Variants in HEATR5A observed in about 807,000 individuals in gnomAD.
HEATR5A encodes HEAT repeat-containing protein 5A.
A neutral mutation model predicts 218.8 loss-of-function variants in HEATR5A; 178 were observed. The observed-to-expected ratio is 0.81, with a 90% confidence interval of 0.72 to 0.92. The LOEUF (loss-of-function observed/expected upper bound fraction) is 0.92, where lower values mean the gene tolerates loss of function less well. HEATR5A is among the 40% of genes least tolerant of loss of function. The pLI, the probability that HEATR5A is intolerant of heterozygous loss-of-function variation, is 0.00. For synonymous variants in HEATR5A, 864 were observed against 871.6 expected, an observed-to-expected ratio of 0.99 and a Z score of 0.15; for missense variants, 2,420 against 2,418.9, an observed-to-expected ratio of 1.00 and a Z score of -0.01.
chr14:31,314,629 G>C (rs1293189729), intron 27 of HEATR5A, among the ~76,000 whole-genome samples: 1 of 152,026 alleles, frequency 6.6e-6, no homozygotes, highest in Non-Finnish European at 1.5e-5. Context: ...TTGAACTCCT[G>C]GCCTCAAGTA....
At chr14:31,295,826 G>A in intron 34 of HEATR5A, 83 bp downstream of exon 34, 1 of 1,090,110 alleles carries the variant, frequency 9.2e-7, no homozygotes, top group Non-Finnish European at 1.4e-6. Context: ...CTTCCTATTG[G>A]AGCCAACAAA....
intron 8 of HEATR5A, 84 bp from the exon 9 acceptor site, chr14:31,386,659 G>A (rs963818629): frequency 2.1e-5 from 27 of 1,261,562 alleles, no homozygotes; most frequent in South Asian, 8.0e-5. Flanking sequence ...AAGGTATAAC[G>A]GCAAAAATTT....
intron 28 of HEATR5A, 53 bp downstream of exon 28, chr14:31,312,915 A>G: frequency 4.3e-6 from 6 of 1,407,160 alleles, no homozygotes; most frequent in Non-Finnish European, 3.9e-6. Context: ...AAAAAAGAAA[A>G]GAAAATGTGT....
chr14:31,394,716 G>A (rs557179756), intron 5 of HEATR5A, among the ~76,000 whole-genome samples: 1 of 152,236 alleles, frequency 6.6e-6, no homozygotes, highest in Admixed American at 6.5e-5. Flanking sequence ...TACTCAGGAG[G>A]CTGAGGCAGG....
rs115909580 is a variant in HEATR5A, at chr14:31,403,933, A to T, written c.-74-884T>A. ...AGACAGAATTTTTTATTTTTAGGAC[A>T]TGGATGCTTTACTGCAACTTACTTT... On this transcript the variant is annotated intron_variant, in intron 1 of 35. Transcript: ENST00000543095. 9.8e-3 allele frequency among the ~76,000 whole-genome samples: 1,499 copies of T among 152,344 alleles called. 19 individuals are homozygous for T. Among genetic ancestry groups the T allele is most frequent in the African/African-American group, 0.034 (1,423 of 41,566 alleles).
chr14:31,386,379 C>G lies in HEATR5A; in HGVS notation c.1345+41G>C, dbSNP rs1278977661. ...ATTTCCTTCCTTGGAACAAAGTTAT[C>G]TAGTGTACAAGGTATTCCAATGAGT... On this transcript the variant is annotated intron_variant, in intron 9 of 35. Coordinates refer to ENST00000543095, the MANE Select transcript of HEATR5A (RefSeq NM_015473.4). 2.6e-6 allele frequency: 4 copies of G among 1,517,288 alleles called. No individual in the cohort carries two copies. In the African/African-American group the frequency reaches 4.2e-5, roughly 16 times the overall value. 94.0% of individuals were successfully genotyped at this position (1,517,288 alleles called of 1,614,324 possible).
intron 13 of HEATR5A, among the ~76,000 whole-genome samples, chr14:31,367,102 T>C (rs1257698941): frequency 6.6e-6 from 1 of 152,180 alleles, no homozygotes; most frequent in African/African-American, 2.4e-5. Context: ...AAATGTTTCA[T>C]AGGACAAAAT....
intron 31 of HEATR5A, among the ~76,000 whole-genome samples, chr14:31,305,461 C>T (rs1595079576): frequency 6.6e-6 from 1 of 152,222 alleles, no homozygotes; most frequent in African/African-American, 2.4e-5. Flanking sequence ...TGAGGTTTCA[C>T]CATGTTGGTC....
rs756266730 is a variant in HEATR5A, at chr14:31,304,977, C to CTAAT, written c.5163_5166dup (p.Glu1723IlefsTer6). 5.6e-6 allele frequency: 9 copies of CTAAT among 1,614,008 alleles called. No individual in the cohort carries two copies. In the East Asian group the frequency reaches 2.0e-4, roughly 36 times the overall value. ...GCTGAAACCAATCTACTTCCATCTTCTAATAGTATCTGTGGCTTCGTAGCT... is the reference window on the plus strand; with the variant it reads ...GCTGAAACCAATCTACTTCCATCTTCTAATTAATAGTATCTGTGGCTTCGTAGCT... On this transcript the variant is annotated frameshift_variant, in exon 32 of 36. Coordinates refer to ENST00000543095, the MANE Select transcript of HEATR5A (RefSeq NM_015473.4). LOFTEE classifies it high-confidence loss of function.
At chr14:31,364,402 T>C (rs183962503) in intron 13 of HEATR5A, 104 bp from the exon 14 acceptor site, 366 of 589,754 alleles carry the variant, frequency 6.2e-4, no homozygotes, top group Non-Finnish European at 9.6e-4. Flanking sequence ...ATGTATTTTA[T>C]TAACAAACAT....
Position 31,386,516 on chromosome 14 carries a change from T to C in HEATR5A, c.1249A>G (p.Ser417Gly), listed in dbSNP as rs956679663. 4 of 1,610,740 alleles carry C rather than the reference T, an allele frequency of 2.5e-6. No homozygotes were observed. In the African/African-American group the frequency reaches 4.0e-5, roughly 16 times the overall value. Residue 417 changes from serine to glycine, a missense_variant, in exon 9 of 36, where the codon AGC becomes GGC. Transcript: ENST00000543095. ...AAAGCACAAACCAGCATATGTTGGC[T>C]AGCGGCTACATCTGTGGAACCAAGC... ...TRLGSTDVAA[S>G]QHMLVCALQE... is the part of the protein sequence containing the mutation.
intron 21 of HEATR5A, among the ~76,000 whole-genome samples, chr14:31,340,775 C>T (rs539845130): frequency 4.1e-4 from 61 of 149,896 alleles, no homozygotes; most frequent in Non-Finnish European, 6.8e-4. Context: ...CAGTATCAAA[C>T]CCAATCAAGT....
At chr14:31,350,196 G>A (rs1262837835) in intron 17 of HEATR5A, among the ~76,000 whole-genome samples, 2 of 151,924 alleles carry the variant, frequency 1.3e-5, no homozygotes, top group African/African-American at 2.4e-5. Context: ...GCAGCAATAC[G>A]GTAATCAATT....
intron 22 of HEATR5A, among the ~76,000 whole-genome samples, chr14:31,330,935 C>T (rs1226105155): frequency 7.4e-6 from 1 of 135,212 alleles, no homozygotes. Context: ...CTCTGCTTCC[C>T]TCACCTTTTT....
chr14:31,380,410 T>C (rs540696194), intron 11 of HEATR5A, 57 bp downstream of exon 11: 885 of 1,062,700 alleles, frequency 8.3e-4, no homozygotes, highest in Non-Finnish European at 1.1e-3. Context: ...ATAAGAATCA[T>C]TTCACTCAGA....
chr14:31,302,133 A>G (rs1899404120), intron 33 of HEATR5A, 162 bp downstream of exon 33: 1 of 604,110 alleles, frequency 1.7e-6, no homozygotes, highest in Admixed American at 3.0e-5. Context: ...CACCCGGCCA[A>G]TTTTCTATCT....
At position 31,301,808 on chromosome 14, in the gene HEATR5A, C is replaced by CT. The variant is rs35947008; in HGVS notation, c.5464+486dup. Among the ~76,000 whole-genome samples, 333 of 82,512 alleles carry CT rather than the reference C, an allele frequency of 4.0e-3. 20 individuals carry two copies. The highest frequency in any genetic ancestry group is 0.017 in the African/African-American group (320 of 18,474). 54.1% of individuals were successfully genotyped at this position (82,512 alleles called of 152,430 possible). The stretch of plus-strand genomic sequence containing the variant: ...GTGCCTGGCCCCAGAACACAGCTTT[C>CT]TTTTTTTTTTTTTTTTTTTTTTTTT... On this transcript the variant is annotated intron_variant, in intron 33 of 35. Coordinates refer to ENST00000543095, the MANE Select transcript of HEATR5A (RefSeq NM_015473.4).
intron 23 of HEATR5A, among the ~76,000 whole-genome samples, chr14:31,324,348 A>G (rs2139170359): frequency 6.6e-6 from 1 of 152,362 alleles, no homozygotes; most frequent in East Asian, 1.9e-4. Flanking sequence ...GTAGTGAATT[A>G]TCTCCTCTAC....
chr14:31,406,107 G>A (rs561197860), intron 1 of HEATR5A, among the ~76,000 whole-genome samples: 1 of 152,286 alleles, frequency 6.6e-6, no homozygotes, highest in South Asian at 2.1e-4. Context: ...CTTATCTGAA[G>A]TCTTACCTCA....
Sources: gnomAD v4.1 joint callset for allele counts (sites outside exome capture counted in the v4.1 genomes callset) on GRCh38, gnomAD v4.1.1 for gene constraint, MANE v1.5 for transcripts, NCBI Gene and HGNC (gene_info 2026-07-23, HGNC 2026-07-21) for gene names.